Variants in R3HDM1 observed in about 807,000 individuals in gnomAD.
R3HDM1 encodes the protein R3H domain containing 1.
In R3HDM1, 46 loss-of-function variants were observed where a neutral mutation model predicts 141.1. The ratio of observed to expected loss-of-function variants is 0.33; its 90% CI spans 0.26 to 0.42. R3HDM1 has a LOEUF of 0.42. R3HDM1 is among the 10% of genes least tolerant of loss of function. R3HDM1 has a pLI of 1.00. For missense variants in R3HDM1, 1,184 were observed against 1,368.3 expected (o/e 0.87, Z 2.12); for synonymous variants, 435 against 472.9 (o/e 0.92, Z 1.04).
At position 135,710,184 on chromosome 2, in the gene R3HDM1, A is replaced by C. The variant is rs886978447; in HGVS notation, c.2689A>C (p.Arg897=). ...AAACAAATATTACTGTGATCACCAG[A>C]GAGGACAGAAGTGTGTAGAATTTAG... ...KQNKYYCDHQ[R]GQKCVEFSSV... The change falls in exon 23 of 27, where the codon AGA becomes CGA. Residue 897 remains arginine, a synonymous_variant. Transcript: ENST00000683871. 1 of 1,614,072 alleles carries C rather than the reference A, an allele frequency of 6.2e-7. No individual in the cohort carries two copies. Among genetic ancestry groups the C allele is most frequent in the Non-Finnish European group, 8.5e-7 (1 of 1,180,010 alleles).
chr2:135,589,745 C>G (rs1708799244), intron 1 of R3HDM1, among the ~76,000 whole-genome samples: 1 of 151,970 alleles, frequency 6.6e-6, no homozygotes, highest in African/African-American at 2.4e-5. Flanking sequence ...ATGAATCCTA[C>G]TTAACCCTTA....
At chr2:135,543,100 G>C (rs890288444) in intron 1 of R3HDM1, 2 of 984,070 alleles carry the variant, frequency 2.0e-6, no homozygotes, top group Non-Finnish European at 2.4e-6. Context: ...CCACCAACTT[G>C]GGGAGGATAC....
chr2:135,684,747 C>T (rs554045974), intron 21 of R3HDM1, among the ~76,000 whole-genome samples: 3 of 151,314 alleles, frequency 2.0e-5, no homozygotes, highest in Admixed American at 1.3e-4. Context: ...CATTCTCTTG[C>T]GTTTTTTTTT....
chr2:135,567,850 G>A (rs1192869001), intron 1 of R3HDM1, among the ~76,000 whole-genome samples: 2 of 143,972 alleles, frequency 1.4e-5, no homozygotes, highest in East Asian at 2.1e-4. Context: ...GGTAATTCTC[G>A]CACCTCACAC....
chr2:135,573,191 AAGG>A (rs1704546642), intron 1 of R3HDM1, among the ~76,000 whole-genome samples: 1 of 152,246 alleles, frequency 6.6e-6, no homozygotes, highest in African/African-American at 2.4e-5. Flanking sequence ...GAAAATTTTC[AAGG>A]AGGACTTCCA....
chr2:135,661,741 GACTTATGAATGGCTA>G (rs921902960), intron 19 of R3HDM1, among the ~76,000 whole-genome samples: 8 of 152,288 alleles, frequency 5.3e-5, no homozygotes, highest in Admixed American at 5.2e-4. Context: ...GAGGCAAGGT[GACTTATGAATGGCTA>G]ACCAGAAGCA....
At chr2:135,706,881 T>A (rs1344506867) in intron 21 of R3HDM1, among the ~76,000 whole-genome samples, 2 of 152,182 alleles carry the variant, frequency 1.3e-5, no homozygotes, top group African/African-American at 4.8e-5. Flanking sequence ...CCGTTCTCAA[T>A]GAGCTGTTGG....
chr2:135,692,998 T>G (rs563339167), intron 21 of R3HDM1, among the ~76,000 whole-genome samples: 3 of 152,216 alleles, frequency 2.0e-5, no homozygotes, highest in African/African-American at 7.2e-5. Flanking sequence ...CTACTAGATC[T>G]AAGGTCGGCA....
chr2:135,702,649 CAAAAAAA>C (rs753918013), intron 21 of R3HDM1, among the ~76,000 whole-genome samples: 2 of 71,460 alleles, frequency 2.8e-5, no homozygotes, highest in African/African-American at 9.6e-5. Context: ...GACTCCGTCT[CAAAAAAA>C]AAAAAAAAAA....
At chr2:135,666,531 A>G (rs919119364) in intron 19 of R3HDM1, among the ~76,000 whole-genome samples, 1 of 152,184 alleles carries the variant, frequency 6.6e-6, no homozygotes, top group Non-Finnish European at 1.5e-5. Context: ...ACCTGCCGCC[A>G]CTGAAATCTG....
intron 18 of R3HDM1, among the ~76,000 whole-genome samples, chr2:135,653,233 G>A (rs930792462): frequency 6.6e-6 from 1 of 152,070 alleles, no homozygotes; most frequent in Non-Finnish European, 1.5e-5. Flanking sequence ...GTGCACGCCT[G>A]TAATCCCAAC....
At chr2:135,722,579 G>A (rs2076797118) in intron 26 of R3HDM1, 26 bp downstream of exon 26, 2 of 1,599,686 alleles carry the variant, frequency 1.3e-6, no homozygotes, top group Admixed American at 1.7e-5. Context: ...GCAACTAGAT[G>A]TGGGTCTGCA....
At chr2:135,638,544 C>A in intron 11 of R3HDM1, 74 bp from the exon 12 acceptor site, 2 of 1,408,492 alleles carry the variant, frequency 1.4e-6, no homozygotes, top group South Asian at 2.4e-5. Flanking sequence ...TTTTTGTTGT[C>A]ATCATTGGTT....
At chr2:135,653,554 C>T (rs2065397249) in intron 18 of R3HDM1, among the ~76,000 whole-genome samples, 2 of 151,766 alleles carry the variant, frequency 1.3e-5, no homozygotes, top group Non-Finnish European at 2.9e-5. Flanking sequence ...AAAATGTTTT[C>T]TCTTTTGAGA....
chr2:135,696,501 AT>A (rs2073268796), intron 21 of R3HDM1, among the ~76,000 whole-genome samples: 1 of 152,012 alleles, frequency 6.6e-6, no homozygotes, highest in Non-Finnish European at 1.5e-5. Flanking sequence ...TGAGTCTTAA[AT>A]TTTTTCTTAG....
intron 1 of R3HDM1, among the ~76,000 whole-genome samples, chr2:135,538,495 T>G (rs1300562272): frequency 2.0e-5 from 3 of 152,250 alleles, no homozygotes; most frequent in African/African-American, 7.2e-5. Flanking sequence ...TTTAAAAAAT[T>G]TTTAAAGTTT....
intron 1 of R3HDM1, among the ~76,000 whole-genome samples, chr2:135,557,141 T>A (rs1291307682): frequency 6.6e-6 from 1 of 152,218 alleles, no homozygotes; most frequent in Admixed American, 6.5e-5. Flanking sequence ...AAGATCCAGA[T>A]CTAGAATTCT....
At chr2:135,664,985 T>C (rs1303989381) in intron 19 of R3HDM1, among the ~76,000 whole-genome samples, 1 of 152,228 alleles carries the variant, frequency 6.6e-6, no homozygotes, top group East Asian at 1.9e-4. Context: ...TTGAAGCCTC[T>C]GTGTACTGTA....
intron 21 of R3HDM1, among the ~76,000 whole-genome samples, chr2:135,696,035 A>G (rs1380656773): frequency 1.3e-5 from 2 of 152,248 alleles, no homozygotes; most frequent in East Asian, 1.9e-4. Flanking sequence ...GTTAAACCCA[A>G]TTATTCCACT....
Sources: gnomAD v4.1 joint callset for allele counts (sites outside exome capture counted in the v4.1 genomes callset) on GRCh38, gnomAD v4.1.1 for gene constraint, MANE v1.5 for transcripts, NCBI Gene and HGNC (gene_info 2026-07-23, HGNC 2026-07-21) for gene names.